The following ANTXR2 variants were observed in gnomAD, a reference collection of about 807,000 sequenced individuals.
ANTXR2 encodes the protein ANTXR cell adhesion molecule 2, also known as anthrax toxin receptor 2.
In ANTXR2, 44 loss-of-function variants were observed where a neutral mutation model predicts 73.7. That is an observed-to-expected ratio of 0.60 (90% CI 0.47 to 0.77). ANTXR2 has a LOEUF of 0.77. Among genes scored for constraint, ANTXR2 ranks in the 30% least tolerant of loss-of-function variants. ANTXR2 has a pLI of 0.00. For missense variants in ANTXR2, 604 were observed against 592.5 expected (o/e 1.02, Z -0.20); for synonymous variants, 217 against 205.9 (o/e 1.05, Z -0.46).
intron 16 of ANTXR2, among the ~76,000 whole-genome samples, chr4:79,913,025 G>A (rs1396655168): frequency 6.6e-6 from 1 of 152,094 alleles, no homozygotes; most frequent in Non-Finnish European, 1.5e-5. Context: ...GGTAACATTA[G>A]TTTTCAAAGA....
chr4:79,911,447 C>T (rs772406008), intron 16 of ANTXR2, among the ~76,000 whole-genome samples: 32 of 151,528 alleles, frequency 2.1e-4, no homozygotes, highest in Admixed American at 2.1e-3. Flanking sequence ...TAAATGTAAC[C>T]TAAATATATA....
chr4:80,015,226 C>A (rs1731782345), intron 11 of ANTXR2, among the ~76,000 whole-genome samples: 1 of 152,166 alleles, frequency 6.6e-6, no homozygotes, highest in South Asian at 2.1e-4. Flanking sequence ...AATGAAAATT[C>A]TTCTGATCTC....
Position 79,909,508 on chromosome 4 carries a change from G to A in ANTXR2, c.1429-2041C>T, listed in dbSNP as rs1398700641. 6.6e-5 allele frequency among the ~76,000 whole-genome samples: 10 copies of A among 150,400 alleles called. No homozygotes were observed. The Admixed American group carries it at 6.7e-4, about 10-fold the overall frequency. Reference sequence around the variant, plus strand: ...ACCTAAATTATTTATTTCATTTGATGTGGTTTAATTAAAGATATGGAAACT... The same window carrying A: ...ACCTAAATTATTTATTTCATTTGATATGGTTTAATTAAAGATATGGAAACT... On this transcript the variant is annotated intron_variant, in intron 16 of 16. Transcript: ENST00000403729.
chr4:79,982,121 C>T (rs938398672), intron 14 of ANTXR2, among the ~76,000 whole-genome samples: 1 of 152,118 alleles, frequency 6.6e-6, no homozygotes, highest in South Asian at 2.1e-4. Context: ...TGACATATTC[C>T]TAGTTTTTTA....
rs900219707 is a variant in ANTXR2 at position 79,975,927 on chromosome 4, T to C, written c.1428+1694A>G. 7.1e-4 allele frequency among the ~76,000 whole-genome samples: 108 copies of C among 151,544 alleles called. 1 individual carries two copies. Among genetic ancestry groups the C allele is most frequent in the African/African-American group, 2.5e-3 (105 of 41,432 alleles). On this transcript the variant is annotated intron_variant, in intron 16 of 16. Transcript: ENST00000403729. The stretch of plus-strand genomic sequence containing the variant: ...TCTCAAATTACACTTTTTTTTTTTT[T>C]TTTGAGACGTAGTCTCTCTCTGTCG...
chr4:80,030,429 G>T (rs1032716254), intron 10 of ANTXR2, among the ~76,000 whole-genome samples: 1 of 152,026 alleles, frequency 6.6e-6, no homozygotes, highest in Admixed American at 6.6e-5. Flanking sequence ...TGAGTCCTAC[G>T]GTGTGCTTGG....
intron 10 of ANTXR2, chr4:80,024,883 C>G: frequency 3.7e-6 from 1 of 271,644 alleles, no homozygotes; most frequent in Non-Finnish European, 7.5e-6. Flanking sequence ...GGAAAACCTT[C>G]TGAGACAAGA....
chr4:80,020,496 A>G (rs2110070655), intron 10 of ANTXR2, among the ~76,000 whole-genome samples: 1 of 152,372 alleles, frequency 6.6e-6, no homozygotes, highest in Non-Finnish European at 1.5e-5. Flanking sequence ...GCCAGATGCT[A>G]TCCTAGGCAT....
chr4:79,945,868 T>C (rs1728497111), intron 16 of ANTXR2, among the ~76,000 whole-genome samples: 1 of 152,104 alleles, frequency 6.6e-6, no homozygotes, highest in Non-Finnish European at 1.5e-5. Flanking sequence ...CACTGAATAA[T>C]GGTCCTAAAT....
rs759761924 is a variant in ANTXR2, at chr4:80,054,307, C to A, written c.601G>T (p.Gly201Cys). ...ATTCCTTTAAGAGCCTGAAATCCAC[C>A]TTTGACAGGGAAAACTTGCTCCTTG... ...DSKEQVFPVK[G>C]GFQALKGIIN... Residue 201 changes from glycine to cysteine, a missense_variant, in exon 7 of 17, where the codon GGT (glycine) becomes TGT (cysteine). Transcript: ENST00000403729. 13 of 1,595,934 alleles carry A rather than the reference C, an allele frequency of 8.1e-6. No homozygotes were observed. The highest frequency in any genetic ancestry group is 9.4e-6 in the Non-Finnish European group (11 of 1,171,588).
In ANTXR2 at chr4:80,044,636, T is replaced by C. The variant is rs749887795; in HGVS notation, c.637-8604A>G. 1.4e-3 allele frequency among the ~76,000 whole-genome samples: 215 copies of C among 152,046 alleles called. 3 individuals are homozygous for C. The highest frequency in any genetic ancestry group is 1.9e-3 in the Non-Finnish European group (132 of 67,922). On this transcript the variant is annotated intron_variant, in intron 7 of 16. Coordinates refer to ENST00000403729, the MANE Select transcript of ANTXR2 (RefSeq NM_058172.6). The stretch of plus-strand genomic sequence containing the variant: ...AGGACTTGAAGATCAACCACCCAGC[T>C]TGACCAAAACAAAAACACCTCCTAC...
intron 6 of ANTXR2, 24 bp downstream of exon 6, chr4:80,055,126 G>A: frequency 6.5e-7 from 1 of 1,538,114 alleles, no homozygotes; most frequent in Admixed American, 2.0e-5. Context: ...TCAGATTAAA[G>A]TTTGCAGATC....
At position 79,958,134 on chromosome 4, in the gene ANTXR2, A is replaced by T. The variant is rs143525334; in HGVS notation, c.1428+19487T>A. ...TCCTTCTATATCACCTCATAATCTG[A>T]TGTTTCCTCTTCAGTGAAGTATTTT... On this transcript the variant is annotated intron_variant, in intron 16 of 16. Coordinates refer to ENST00000403729, the MANE Select transcript of ANTXR2 (RefSeq NM_058172.6). Among the ~76,000 whole-genome samples the T allele has an allele frequency of 3.3e-5, 5 of 151,678 alleles. No homozygotes were observed. The East Asian group carries it at 9.7e-4, about 29-fold the overall frequency.
chr4:79,988,590 T>C (rs1016383903), intron 12 of ANTXR2, among the ~76,000 whole-genome samples: 11 of 151,914 alleles, frequency 7.2e-5, no homozygotes, highest in African/African-American at 2.4e-4. Context: ...GGACAGATCA[T>C]TGAAGCAGAA....
intron 16 of ANTXR2, among the ~76,000 whole-genome samples, chr4:79,932,369 G>A (rs1264369192): frequency 2.6e-5 from 4 of 151,782 alleles, no homozygotes; most frequent in African/African-American, 9.7e-5. Flanking sequence ...CCTTAAGCAT[G>A]CATGTTTTGT....
chr4:80,061,150 A>C (rs1009800570), intron 3 of ANTXR2, among the ~76,000 whole-genome samples: 2 of 152,178 alleles, frequency 1.3e-5, no homozygotes, highest in African/African-American at 4.8e-5. Flanking sequence ...GGAAACTACC[A>C]TGCCTTAATA....
intron 16 of ANTXR2, among the ~76,000 whole-genome samples, chr4:79,918,538 C>T (rs886091058): frequency 3.3e-5 from 5 of 152,004 alleles, no homozygotes; most frequent in Non-Finnish European, 7.4e-5. Context: ...ATGAAGGACA[C>T]GAGGCTATGG....
At chr4:80,010,046 GTT>G (rs11303326) in intron 11 of ANTXR2, among the ~76,000 whole-genome samples, 30 of 147,944 alleles carry the variant, frequency 2.0e-4, no homozygotes, top group East Asian at 3.9e-4. Flanking sequence ...TTGTTTTGTG[GTT>G]TTTTTTTTTA....
At chr4:79,927,437 G>A (rs1195113320) in intron 16 of ANTXR2, among the ~76,000 whole-genome samples, 1 of 151,902 alleles carries the variant, frequency 6.6e-6, no homozygotes, top group African/African-American at 2.4e-5. Context: ...AGACCCACCT[G>A]GCAGATATCA....
Sources: gnomAD v4.1 joint callset for allele counts (sites outside exome capture counted in the v4.1 genomes callset) on GRCh38, gnomAD v4.1.1 for gene constraint, MANE v1.5 for transcripts, NCBI Gene and HGNC (gene_info 2026-07-23, HGNC 2026-07-21) for gene names.